Variants in ESRRG observed in about 807,000 individuals in gnomAD.
The protein encoded by ESRRG is estrogen related receptor gamma.
In ESRRG, 13 loss-of-function variants were observed where a neutral mutation model predicts 44.0. That is an observed-to-expected ratio of 0.30 (90% CI 0.19 to 0.47). The LOEUF (loss-of-function observed/expected upper bound fraction) is 0.47. ESRRG is among the 20% of genes least tolerant of loss of function. ESRRG has a pLI of 1.00. For missense variants in ESRRG, 395 were observed against 580.6 expected, an observed-to-expected ratio of 0.68 and a Z score of 3.29; for synonymous variants, 215 against 214.6, an observed-to-expected ratio of 1.00 and a Z score of -0.02.
intron 1 of ESRRG, among the ~76,000 whole-genome samples, chr1:216,967,139 C>T (rs938180482): frequency 7.9e-5 from 12 of 151,920 alleles, no homozygotes; most frequent in African/African-American, 1.4e-4. Context: ...TCTTAAGTAT[C>T]GCCTACCTAC....
chr1:216,732,103 T>TA (rs1277405270), intron 2 of ESRRG, among the ~76,000 whole-genome samples: 1 of 114,262 alleles, frequency 8.8e-6, no homozygotes. Context: ...AAAAAGAAAA[T>TA]AAAAAATAAA....
At chr1:217,027,533 T>C (rs1235121156) in intron 1 of ESRRG, among the ~76,000 whole-genome samples, 1 of 152,170 alleles carries the variant, frequency 6.6e-6, no homozygotes, top group African/African-American at 2.4e-5. Flanking sequence ...AACACAATTA[T>C]GTTGTCTGGA....
chr1:217,008,379 T>C (rs2078064552), intron 1 of ESRRG, among the ~76,000 whole-genome samples: 2 of 152,192 alleles, frequency 1.3e-5, no homozygotes, highest in Admixed American at 1.3e-4. Context: ...TCAACGAAAG[T>C]ATAATCTAGC....
Position 216,742,085 on chromosome 1 carries a change from C to G in ESRRG, c.-13-64594G>C, listed in dbSNP as rs181471556. 1.6e-3 allele frequency among the ~76,000 whole-genome samples: 248 copies of G among 152,280 alleles called. 1 individual carries two copies. Among genetic ancestry groups the G allele is most frequent in the African/African-American group, 5.7e-3 (238 of 41,560 alleles). ...GTCTATTCATAACCTGACCCAAACCCTCTTTCCTGGCAAGTTTCCCACAAG... is the reference window on the plus strand; with the variant it reads ...GTCTATTCATAACCTGACCCAAACCGTCTTTCCTGGCAAGTTTCCCACAAG... On this transcript the variant is annotated intron_variant, in intron 2 of 7. Coordinates refer to the ESRRG transcript ENST00000359162.
At chr1:216,934,451 C>A (rs1037972616) in intron 2 of ESRRG, among the ~76,000 whole-genome samples, 1 of 151,972 alleles carries the variant, frequency 6.6e-6, no homozygotes, top group East Asian at 1.9e-4. Context: ...AAAAGAAATA[C>A]CCGAGACTGG....
intron 1 of ESRRG, among the ~76,000 whole-genome samples, chr1:217,070,662 G>A (rs183679973): frequency 7.9e-5 from 12 of 152,158 alleles, no homozygotes; most frequent in African/African-American, 1.7e-4. Context: ...CATGACAGGC[G>A]TAAGCCACCA....
intron 2 of ESRRG, among the ~76,000 whole-genome samples, chr1:216,925,120 T>C (rs1026071484): frequency 9.9e-5 from 15 of 152,132 alleles, no homozygotes; most frequent in Admixed American, 9.8e-4. Flanking sequence ...ACAGGATGGC[T>C]CAACAGGCTG....
At chr1:216,749,576 A>C (rs1187311144) in intron 2 of ESRRG, among the ~76,000 whole-genome samples, 1 of 152,204 alleles carries the variant, frequency 6.6e-6, no homozygotes, top group East Asian at 1.9e-4. Flanking sequence ...GCAGCTGTTT[A>C]ATGTAATTCC....
intron 2 of ESRRG, among the ~76,000 whole-genome samples, chr1:216,798,468 A>G (rs2094531298): frequency 6.6e-6 from 1 of 152,182 alleles, no homozygotes; most frequent in Non-Finnish European, 1.5e-5. Flanking sequence ...TGAACAAGGG[A>G]AAGAGGATGA....
intron 2 of ESRRG, among the ~76,000 whole-genome samples, chr1:216,673,285 C>T (rs1284998945): frequency 6.6e-6 from 1 of 152,236 alleles, no homozygotes; most frequent in African/African-American, 2.4e-5. Flanking sequence ...ATCTTCCTTA[C>T]AATTACTGCT....
chr1:216,812,426 C>G (rs2095002304), intron 2 of ESRRG, among the ~76,000 whole-genome samples: 1 of 152,106 alleles, frequency 6.6e-6, no homozygotes, highest in Admixed American at 6.5e-5. Context: ...CGGGGAGTCC[C>G]TTGGTCTCCA....
chr1:216,673,873 C>A (rs11117654), intron 2 of ESRRG, among the ~76,000 whole-genome samples: 32,092 of 152,068 alleles, frequency 0.21, 4,238 homozygotes, highest in Non-Finnish European at 0.3. Flanking sequence ...CCTTTGGGAA[C>A]AAAGCTTTAA....
At chr1:217,136,112 C>A (rs547499957) in intron 1 of ESRRG, among the ~76,000 whole-genome samples, 1 of 152,344 alleles carries the variant, frequency 6.6e-6, no homozygotes, top group Admixed American at 6.5e-5. Context: ...CCTTCTCCCC[C>A]ACCCAACAAC....
At chr1:216,610,272 G>A (rs569734358) in intron 3 of ESRRG, among the ~76,000 whole-genome samples, 1 of 148,864 alleles carries the variant, frequency 6.7e-6, no homozygotes, top group East Asian at 2.0e-4. Context: ...GCCCAAACCA[G>A]AATTCCCATT....
At chr1:216,515,298 T>C (rs2043907523) in intron 6 of ESRRG, among the ~76,000 whole-genome samples, 1 of 151,976 alleles carries the variant, frequency 6.6e-6, no homozygotes, top group South Asian at 2.1e-4. Context: ...TGTATGTGTA[T>C]ATATATATCC....
At chr1:216,757,560 G>A (rs1056941885) in intron 2 of ESRRG, among the ~76,000 whole-genome samples, 1 of 151,964 alleles carries the variant, frequency 6.6e-6, no homozygotes, top group African/African-American at 2.4e-5. Flanking sequence ...GCTTGTTTGA[G>A]ATTTTACCCA....
At chr1:216,903,848 G>A (rs999920543) in intron 2 of ESRRG, among the ~76,000 whole-genome samples, 2 of 152,034 alleles carry the variant, frequency 1.3e-5, no homozygotes, top group Non-Finnish European at 2.9e-5. Flanking sequence ...AAGACAAGAG[G>A]TAACTCTCTG....
chr1:216,937,785 C>G (rs572496957), intron 2 of ESRRG, among the ~76,000 whole-genome samples: 245 of 152,268 alleles, frequency 1.6e-3, no homozygotes, highest in African/African-American at 2.8e-3. Context: ...CCTGCCCAGT[C>G]TGAGTTTAAA....
At chr1:216,715,109 A>G in intron 1 of ESRRG, 1 of 985,432 alleles carries the variant, frequency 1.0e-6, no homozygotes, top group Non-Finnish European at 1.2e-6. Context: ...AGACTCCAAG[A>G]ACAGAATGAG....
Sources: allele counts gnomAD v4.1 joint callset (sites outside exome capture counted in the v4.1 genomes callset), GRCh38; gene constraint gnomAD v4.1.1; transcripts MANE v1.5; gene names NCBI Gene and HGNC (gene_info 2026-07-23, HGNC 2026-07-21).